BMP6: variants seen among roughly 807,000 people sequenced by gnomAD.
BMP6 encodes VG-1-R.
In BMP6, 17 loss-of-function variants were observed where a neutral mutation model predicts 54.1. The observed-to-expected ratio is 0.31, with a 90% CI of 0.22 to 0.47. BMP6 has a LOEUF of 0.47. BMP6 is among the 20% of genes least tolerant of loss of function. The pLI is 1.00. For missense variants in BMP6, 720 were observed against 690.4 expected (o/e 1.04, Z -0.48); for synonymous variants, 328 against 291.2 (o/e 1.13, Z -1.28).
intron 1 of BMP6, among the ~76,000 whole-genome samples, chr6:7,838,820 G>C (rs1291439980): frequency 6.6e-6 from 1 of 151,774 alleles, no homozygotes; most frequent in Non-Finnish European, 1.5e-5. Flanking sequence ...CAGGCGCCTG[G>C]AGTCCCAGCT....
chr6:7,879,638 C>T (rs889413821), intron 5 of BMP6, among the ~76,000 whole-genome samples: 1 of 152,100 alleles, frequency 6.6e-6, no homozygotes, highest in African/African-American at 2.4e-5. Flanking sequence ...AGGTGGTGAG[C>T]GATAAAAGGT....
chr6:7,756,844 C>G (rs912650832), intron 1 of BMP6, among the ~76,000 whole-genome samples: 9 of 152,218 alleles, frequency 5.9e-5, no homozygotes, highest in Admixed American at 2.0e-4. Flanking sequence ...TGACTACATT[C>G]TGGTTCTCCA....
chr6:7,828,853 G>T (rs1581266315), intron 1 of BMP6, among the ~76,000 whole-genome samples: 1 of 152,298 alleles, frequency 6.6e-6, no homozygotes, highest in East Asian at 1.9e-4. Flanking sequence ...TTAGGGACAT[G>T]TTCTGACCAC....
chr6:7,838,445 A>G (rs932940462), intron 1 of BMP6, among the ~76,000 whole-genome samples: 1 of 152,140 alleles, frequency 6.6e-6, no homozygotes, highest in Non-Finnish European at 1.5e-5. Flanking sequence ...TTACGAACTC[A>G]CACATAAAAA....
chr6:7,813,543 T>C (rs1268567606), intron 1 of BMP6, among the ~76,000 whole-genome samples: 1 of 139,880 alleles, frequency 7.1e-6, no homozygotes, highest in Non-Finnish European at 1.5e-5. Context: ...CTAGGGAGGC[T>C]GAGGTGGGAG....
chr6:7,861,178 A>AT (rs1759327619), intron 2 of BMP6, among the ~76,000 whole-genome samples: 1 of 114,910 alleles, frequency 8.7e-6, no homozygotes, highest in Non-Finnish European at 1.7e-5. Flanking sequence ...CACTAGCAAG[A>AT]TTTTTGGTAA....
At chr6:7,795,886 TGA>T (rs1758183618) in intron 1 of BMP6, among the ~76,000 whole-genome samples, 1 of 152,044 alleles carries the variant, frequency 6.6e-6, no homozygotes, top group South Asian at 2.1e-4. Context: ...CGCCTCTAAA[TGA>T]GAGAGTGAGG....
chr6:7,856,311 G>T (rs932854629), intron 2 of BMP6, among the ~76,000 whole-genome samples: 2 of 151,804 alleles, frequency 1.3e-5, no homozygotes, highest in African/African-American at 4.8e-5. Context: ...TGTACTTTAC[G>T]TAAGGAAAAA....
intron 2 of BMP6, among the ~76,000 whole-genome samples, chr6:7,855,553 C>CTCTCT (rs1554125315): frequency 1.9e-5 from 2 of 105,052 alleles, no homozygotes; most frequent in Admixed American, 2.1e-4. Context: ...CTCTCTCTCT[C>CTCTCT]TTTTTTTTTT....
rs752201106 is a variant in BMP6 at position 7,861,460 on chromosome 6, C to A, written c.867C>A (p.Asp289Glu). The change falls in exon 3 of 7, where the codon GAC becomes GAA. Residue 289 changes from aspartate (D) to glutamate (E), a missense_variant. By Grantham distance (45) the Asp-to-Glu change is conservative. Around this residue, in one of 3 missense-constraint regions of BMP6, gnomAD observed 650 missense variants for 556.3 expected, o/e 1.17. Transcript: ENST00000283147. ...TTTTTCTTTCTTTCAGAGACTCTGA[C>A]CTGTTTTTGTTGGACACCCGTGTAG... ...VLQEHQHRDS[D>E]LFLLDTRVVW... 2 of 1,614,010 alleles carry A rather than the reference C, an allele frequency of 1.2e-6. No individual in the cohort carries two copies. Among genetic ancestry groups the A allele is most frequent in the African/African-American group, 1.3e-5 (1 of 75,030 alleles).
At chr6:7,753,791 C>T (rs1757461746) in intron 1 of BMP6, among the ~76,000 whole-genome samples, 1 of 152,124 alleles carries the variant, frequency 6.6e-6, no homozygotes, top group Non-Finnish European at 1.5e-5. Context: ...ATATGTTGTG[C>T]TTTCTATTTG....
At chr6:7,741,304 A>G (rs1757251227) in intron 1 of BMP6, among the ~76,000 whole-genome samples, 1 of 151,908 alleles carries the variant, frequency 6.6e-6, no homozygotes, top group Non-Finnish European at 1.5e-5. Flanking sequence ...TATTATTATT[A>G]TTATTTTTGT....
At chr6:7,751,390 C>T (rs917722842) in intron 1 of BMP6, among the ~76,000 whole-genome samples, 1 of 152,104 alleles carries the variant, frequency 6.6e-6, no homozygotes, top group Non-Finnish European at 1.5e-5. Context: ...ATTATAAAAG[C>T]AATTTTGTTA....
chr6:7,759,696 CTTTTT>C (rs71542880), intron 1 of BMP6, among the ~76,000 whole-genome samples: 17 of 62,150 alleles, frequency 2.7e-4, no homozygotes, highest in African/African-American at 9.8e-5. Flanking sequence ...CTTTCTTCTT[CTTTTT>C]TTTTTTTTTT....
At chr6:7,832,007 C>T (rs541323994) in intron 1 of BMP6, among the ~76,000 whole-genome samples, 2 of 152,170 alleles carry the variant, frequency 1.3e-5, no homozygotes, top group Non-Finnish European at 2.9e-5. Flanking sequence ...TGGACCCTGC[C>T]TTTGAGAGGC....
At chr6:7,861,144 C>T (rs964038548) in intron 2 of BMP6, among the ~76,000 whole-genome samples, 5 of 151,328 alleles carry the variant, frequency 3.3e-5, no homozygotes, top group Admixed American at 1.3e-4. Context: ...TATCCTAATT[C>T]GCAAAAAGAT....
intron 1 of BMP6, among the ~76,000 whole-genome samples, chr6:7,767,180 G>A (rs968938502): frequency 6.6e-6 from 1 of 151,748 alleles, no homozygotes; most frequent in Admixed American, 6.6e-5. Flanking sequence ...GAGAGACGGG[G>A]TTTCACCGCG....
intron 1 of BMP6, among the ~76,000 whole-genome samples, chr6:7,734,956 C>T (rs966189986): frequency 1.4e-4 from 21 of 152,236 alleles, no homozygotes; most frequent in African/African-American, 5.1e-4. Context: ...GATGACTGAT[C>T]CTCCTGCTGG....
At chr6:7,873,383 C>T (rs1288840656) in intron 4 of BMP6, among the ~76,000 whole-genome samples, 1 of 152,168 alleles carries the variant, frequency 6.6e-6, no homozygotes, top group Non-Finnish European at 1.5e-5. Context: ...TGAAGAGACT[C>T]TTAGGCAAGG....
Sources: gnomAD v4.1 joint callset for allele counts (sites outside exome capture counted in the v4.1 genomes callset) on GRCh38, gnomAD v4.1.1 for gene constraint, gnomAD v4.1.1 regional missense constraint, MANE v1.5 for transcripts, NCBI Gene and HGNC (gene_info 2026-07-23, HGNC 2026-07-21) for gene names.